Variants in DSTYK observed in about 807,000 individuals in gnomAD.
DSTYK encodes the protein dual serine/threonine and tyrosine protein kinase.
DSTYK carries 34 observed loss-of-function variants against 98.7 expected under a neutral mutation model. The ratio of observed to expected loss-of-function variants is 0.34; its 90% CI spans 0.26 to 0.46. The LOEUF is 0.46. Among genes scored for constraint, DSTYK ranks in the 20% least tolerant of loss-of-function variants. The probability of loss-of-function intolerance (pLI) is 1.00; values close to 1 mark genes in which losing one functional copy is unlikely to be tolerated. For missense variants in DSTYK, 962 were observed against 1,181.7 expected (o/e 0.81, Z 2.73); for synonymous variants, 462 against 457.3 (o/e 1.01, Z -0.13).
chr1:205,152,646 G>A (rs1171520719), intron 10 of DSTYK, among the ~76,000 whole-genome samples: 1 of 151,348 alleles, frequency 6.6e-6, no homozygotes, highest in African/African-American at 2.4e-5. Context: ...GGAACCAGAA[G>A]TGTTTTGAAT....
At chr1:205,182,422 A>G (rs1558616959) in intron 2 of DSTYK, among the ~76,000 whole-genome samples, 1 of 151,440 alleles carries the variant, frequency 6.6e-6, no homozygotes. Context: ...AACCAAAACA[A>G]AAAAACAGAT....
At chr1:205,192,300 C>CATGG (rs1347382185) in intron 1 of DSTYK, among the ~76,000 whole-genome samples, 1 of 151,300 alleles carries the variant, frequency 6.6e-6, no homozygotes, top group African/African-American at 2.4e-5. Flanking sequence ...GGGAGGCCGA[C>CATGG]ATGGATGGAT....
intron 2 of DSTYK, among the ~76,000 whole-genome samples, chr1:205,177,342 T>C (rs1482136008): frequency 6.6e-6 from 1 of 152,212 alleles, no homozygotes; most frequent in Admixed American, 6.5e-5. Flanking sequence ...ATATTAGTAA[T>C]TGTCCTGCCC....
At chr1:205,153,722 C>A (rs1451692987) in intron 10 of DSTYK, among the ~76,000 whole-genome samples, 1 of 146,242 alleles carries the variant, frequency 6.8e-6, no homozygotes, top group Non-Finnish European at 1.5e-5. Flanking sequence ...GTGTGTGTGG[C>A]AGGGTCTCAC....
intron 2 of DSTYK, among the ~76,000 whole-genome samples, chr1:205,178,427 T>C (rs562961257): frequency 6.6e-6 from 1 of 152,130 alleles, no homozygotes; most frequent in South Asian, 2.1e-4. Flanking sequence ...TGCCACTTAC[T>C]AGATTGAGAG....
rs1657986482 is a variant in DSTYK, at chr1:205,169,437, C to T, written c.1050G>A (p.Val350=). Residue 350 remains valine (V), a synonymous_variant, in exon 3 of 13, where the codon GTG becomes GTA. Transcript: ENST00000367162. The surrounding 1 kb of genome is among the most constrained non-coding windows in gnomAD (Gnocchi z 4.0). ...CTGCATCCACCAGGCGAGTCTGTAA[C>T]ACCTGGTGAGAAAATGTGCTCAAGT... is the stretch of plus-strand genomic sequence containing the variant. ...LRHLSTFSHQ[V]LQTRLVDAAK... 1 of 1,614,186 alleles carries T rather than the reference C, an allele frequency of 6.2e-7. No homozygotes were observed. The highest frequency in any genetic ancestry group is 2.2e-5 in the East Asian group (1 of 44,878).
intron 1 of DSTYK, among the ~76,000 whole-genome samples, chr1:205,197,920 G>A (rs1351087798): frequency 2.0e-5 from 3 of 152,210 alleles, no homozygotes; most frequent in Non-Finnish European, 4.4e-5. Flanking sequence ...AAGGCCGGGC[G>A]TGATGGCTCA....
intron 6 of DSTYK, among the ~76,000 whole-genome samples, 171 bp downstream of exon 6, chr1:205,161,865 T>C (rs1657730321): frequency 6.6e-6 from 1 of 152,024 alleles, no homozygotes; most frequent in South Asian, 2.1e-4. Context: ...GAAAATATAC[T>C]GATGATTTTA....
Position 205,145,675 on chromosome 1 carries a change from C to G in DSTYK, c.*1883G>C, listed in dbSNP as rs112315860. ...TCCCAAGTAGCTGGGATTACTGGTG[C>G]GTGCCAGCATGCCCGGCTAATTTGC... On this transcript the variant is annotated 3_prime_UTR_variant, in exon 13 of 13. Transcript: ENST00000367162. The G allele has an allele frequency of 6.6e-6, 1 of 151,966 alleles. No homozygotes were observed. The highest frequency in any genetic ancestry group is 2.4e-5 in the African/African-American group (1 of 41,342). 9.4% of individuals were successfully genotyped at this position (151,966 alleles called of 1,614,324 possible).
At chr1:205,199,502 A>T (rs538871765) in intron 1 of DSTYK, among the ~76,000 whole-genome samples, 119 of 152,290 alleles carry the variant, frequency 7.8e-4, no homozygotes, top group Non-Finnish European at 1.2e-3. Flanking sequence ...AAGCATTTCT[A>T]CATCTGTTCT....
At chr1:205,205,102 G>C (rs1452897917) in intron 1 of DSTYK, among the ~76,000 whole-genome samples, 1 of 152,160 alleles carries the variant, frequency 6.6e-6, no homozygotes, top group East Asian at 1.9e-4. Flanking sequence ...TATTACCTTA[G>C]AATAGATTAT....
Position 205,163,034 on chromosome 1 carries a change from T to C in DSTYK, c.1558-28A>G, listed in dbSNP as rs1165352380. 8 of 1,569,224 alleles carry C rather than the reference T, an allele frequency of 5.1e-6. No homozygotes were observed. The East Asian group carries it at 1.3e-4, about 26-fold the overall frequency. ...GAAAGAGACAACGCCAAAGAAAACA[T>C]GTCCTCAGTAGTGTGGCTATTTTAA... On this transcript the variant is annotated intron_variant, in intron 4 of 12. Transcript: ENST00000367162.
intron 2 of DSTYK, among the ~76,000 whole-genome samples, chr1:205,174,660 G>A (rs922740899): frequency 1.1e-4 from 17 of 151,112 alleles, no homozygotes; most frequent in Admixed American, 1.1e-3. Context: ...TCTAGCCTGG[G>A]CAACAGAGTG....
At position 205,187,449 on chromosome 1, in the gene DSTYK, A is replaced by G. The variant is rs1359033175; in HGVS notation, c.623T>C (p.Leu208Pro). 1.9e-6 allele frequency: 3 copies of G among 1,613,584 alleles called. No homozygotes were observed. The highest frequency in any genetic ancestry group is 1.6e-4 in the Middle Eastern group (1 of 6,078). ...GAGAGCATGGTGCATCGTTACCTCC[A>G]GTTCCGCTAAAACATGAGCAGCATC... ...NEDAAHVLAELEVTMHHALLQ... is the reference protein window; with the variant it reads ...NEDAAHVLAEPEVTMHHALLQ... The change falls in exon 2 of 13, where the codon CTG becomes CCG. Residue 208 changes from leucine to proline, a missense_variant. Leu to Pro is a moderately conservative substitution (Grantham distance 98). Coordinates refer to ENST00000367162, the MANE Select transcript of DSTYK (RefSeq NM_015375.3).
intron 1 of DSTYK, among the ~76,000 whole-genome samples, chr1:205,208,155 C>A (rs1229977187): frequency 6.6e-6 from 1 of 152,176 alleles, no homozygotes. Context: ...GCTGGGATTA[C>A]AGGTGTGAGC....
chr1:205,164,191 G>A lies in DSTYK; in HGVS notation c.1325-236C>T, dbSNP rs549677894. On this transcript the variant is annotated intron_variant, in intron 3 of 12. Transcript: ENST00000367162. Reference sequence around the variant, plus strand: ...ATTAAGTCCAGGTGCAGTGATTCACGCCTGTAATTCCAAAACTTTGGGAGG... The same window carrying A: ...ATTAAGTCCAGGTGCAGTGATTCACACCTGTAATTCCAAAACTTTGGGAGG... Among the ~76,000 whole-genome samples, 86 of 152,246 alleles carry A rather than the reference G, an allele frequency of 5.6e-4. 1 individual carries two copies. Among genetic ancestry groups the A allele is most frequent in the Non-Finnish European group, 9.7e-4 (66 of 68,028 alleles).
In DSTYK at chr1:205,169,136, C is replaced by T. The variant is rs369133816; in HGVS notation, c.1324+27G>A. The stretch of plus-strand genomic sequence containing the variant: ...TGGTTAGAGACTCCTCCCGTGCCAG[C>T]ACCCCAACAAGCTCTCTGGGACCTA... On this transcript the variant is annotated intron_variant, in intron 3 of 12. Transcript: ENST00000367162. This position sits in a 1 kb window ranked among gnomAD's most constrained non-coding sequence, Gnocchi z 4.0. 3 of 1,541,722 alleles carry T rather than the reference C, an allele frequency of 1.9e-6. No homozygotes were observed. The highest frequency in any genetic ancestry group is 1.3e-5 in the South Asian group (1 of 78,382).
At chr1:205,159,718 G>A (rs778605930) in intron 8 of DSTYK, 39 bp from the exon 9 acceptor site, 2 of 1,610,976 alleles carry the variant, frequency 1.2e-6, no homozygotes, top group South Asian at 2.2e-5. Flanking sequence ...CAAGGCTTGG[G>A]CTCTAATCCT....
chr1:205,170,059 T>C (rs569333588), intron 2 of DSTYK, among the ~76,000 whole-genome samples: 2 of 152,286 alleles, frequency 1.3e-5, no homozygotes, highest in South Asian at 4.2e-4. Context: ...GTAGAAAGGA[T>C]GGCAACCCCT....
Sources: gnomAD v4.1 joint callset for allele counts (sites outside exome capture counted in the v4.1 genomes callset) on GRCh38, gnomAD v4.1.1 for gene constraint, Gnocchi (gnomAD v3.1) non-coding constraint, MANE v1.5 for transcripts, NCBI Gene and HGNC (gene_info 2026-07-23, HGNC 2026-07-21) for gene names.